The following TMEM92 variants were observed in gnomAD, a reference collection of about 807,000 sequenced individuals.
TMEM92 encodes transmembrane protein 92.
TMEM92 carries 15 observed loss-of-function variants against 14.6 expected under a neutral mutation model. The observed-to-expected ratio is 1.03, with a 90% CI of 0.69 to 1.58. The LOEUF is 1.58. Among genes scored for constraint, TMEM92 ranks in the 40% most tolerant of loss-of-function variants. The probability of loss-of-function intolerance (pLI) is 0.00; values close to 1 mark genes in which losing one functional copy is unlikely to be tolerated. For synonymous variants in TMEM92, 85 were observed against 83.3 expected (o/e 1.02, Z -0.11); for missense variants, 174 against 202.4 (o/e 0.86, Z 0.85).
upstream of TMEM92, among the ~76,000 whole-genome samples, chr17:50,272,374 C>T (rs563731587): frequency 2.6e-5 from 4 of 152,326 alleles, no homozygotes; most frequent in Non-Finnish European, 4.4e-5. Flanking sequence ...GGCCACACCT[C>T]TGTAGGGCTC....
upstream of TMEM92, among the ~76,000 whole-genome samples, chr17:50,272,073 C>T (rs189612763): frequency 6.6e-6 from 1 of 152,220 alleles, no homozygotes; most frequent in South Asian, 2.1e-4. Context: ...AATTATTCAT[C>T]GTTTATCTGA....
At chr17:50,273,307 G>C (rs965337664), upstream of TMEM92, among the ~76,000 whole-genome samples, 2 of 152,094 alleles carry the variant, frequency 1.3e-5, no homozygotes, top group Non-Finnish European at 2.9e-5. Context: ...GGGGGCACCC[G>C]CGCTGGGCGA....
At position 50,281,310 on chromosome 17, in the gene TMEM92, G is replaced by C. The variant is rs560071678; in HGVS notation, c.*2002G>C. The C allele has an allele frequency of 6.6e-6, 1 of 152,266 alleles. No individual in the cohort carries two copies. The highest frequency in any genetic ancestry group is 1.5e-5 in the Non-Finnish European group (1 of 68,008). The allele number at this position is 152,266 out of a possible 1,614,324, so 9.4% of individuals were successfully genotyped here. A position where few individuals can be genotyped will look rare whatever the true frequency, so the allele number is the denominator to read the frequency against. ...TGCTATGTAGGAAACACTATGCCTGGCACTGGGTATCCATTAAAATGTAAA... is the reference window on the plus strand; with the variant it reads ...TGCTATGTAGGAAACACTATGCCTGCCACTGGGTATCCATTAAAATGTAAA... On this transcript the variant is annotated 3_prime_UTR_variant, in exon 5 of 5. Transcript: ENST00000507382.
upstream of TMEM92, among the ~76,000 whole-genome samples, chr17:50,274,041 C>T (rs1283391008): frequency 6.6e-6 from 1 of 152,130 alleles, no homozygotes; most frequent in Non-Finnish European, 1.5e-5. Context: ...TGCACTGGCA[C>T]GATCTCGGCT....
In TMEM92 at chr17:50,279,225, C is replaced by T. The variant is rs773024530; in HGVS notation, c.397C>T (p.Pro133Ser). The change falls in exon 5 of 5, where the codon CCC becomes TCC. Residue 133 changes from proline to serine, a missense_variant. Physicochemically the swap from Pro to Ser is moderately conservative, Grantham distance 74. Coordinates refer to ENST00000507382, the MANE Select transcript of TMEM92 (RefSeq NM_153229.3). The part of the protein sequence containing the change: ...VILKPSLGPT[P>S]TEPPPPYSFR... Reference sequence around the variant, plus strand: ...TCTGAAGCCCAGCCTGGGCCCAACTCCCACAGAGCCACCCCCTCCCTACAG... The same window carrying T: ...TCTGAAGCCCAGCCTGGGCCCAACTTCCACAGAGCCACCCCCTCCCTACAG... 3 of 1,613,900 alleles carry T rather than the reference C, an allele frequency of 1.9e-6. No individual in the cohort carries two copies. Among genetic ancestry groups the T allele is most frequent in the Non-Finnish European group, 2.5e-6 (3 of 1,179,958 alleles).
In TMEM92 at chr17:50,280,959, A is replaced by G. The variant is rs1236940348; in HGVS notation, c.*1651A>G. Reference sequence around the variant, plus strand: ...CTTTGTGTAGATGTGGCTAGTTCCAATTAGAGAAGTCCTGCAGCTGATGTT... The same window carrying G: ...CTTTGTGTAGATGTGGCTAGTTCCAGTTAGAGAAGTCCTGCAGCTGATGTT... On this transcript the variant is annotated 3_prime_UTR_variant, in exon 5 of 5. Transcript: ENST00000507382. 1 of 151,620 alleles carries G rather than the reference A, an allele frequency of 6.6e-6. No homozygotes were observed. Among genetic ancestry groups the G allele is most frequent in the East Asian group, 1.9e-4 (1 of 5,140 alleles). 9.4% of individuals were successfully genotyped at this position (151,620 alleles called of 1,614,324 possible).
rs553578543 is a variant in TMEM92, at chr17:50,279,842, G to C, written c.*534G>C. 7 of 172,880 alleles carry C rather than the reference G, an allele frequency of 4.0e-5. No homozygotes were observed. The East Asian group carries it at 1.3e-3, about 33-fold the overall frequency. 10.7% of individuals were successfully genotyped at this position (172,880 alleles called of 1,614,324 possible). A position where few individuals can be genotyped will look rare whatever the true frequency, so the allele number is the denominator to read the frequency against. On this transcript the variant is annotated 3_prime_UTR_variant, in exon 5 of 5. Transcript: ENST00000507382. ...CTGCCTCTGGCTGTGTGGGGAGGTG[G>C]GTGGAGAGGTGAGCCCAGGCACTGC... is the stretch of plus-strand genomic sequence containing the variant.
chr17:50,274,005 G>T (rs1264741607), upstream of TMEM92, among the ~76,000 whole-genome samples: 1 of 152,028 alleles, frequency 6.6e-6, no homozygotes, highest in East Asian at 1.9e-4. Context: ...TAGAGATGGA[G>T]TCTCACTCCG....
chr17:50,278,641 G>A lies in TMEM92; in HGVS notation c.170+11G>A, dbSNP rs777067967. Reference sequence around the variant, plus strand: ...CCCTGGCCCCGTGAGGTGAGCCCAGGGCCAGCTCCTTTGGGTGCAGTCCTT... The same window carrying A: ...CCCTGGCCCCGTGAGGTGAGCCCAGAGCCAGCTCCTTTGGGTGCAGTCCTT... On this transcript the variant is annotated intron_variant, in intron 3 of 4. Coordinates refer to ENST00000507382, the MANE Select transcript of TMEM92 (RefSeq NM_153229.3). The A allele has an allele frequency of 2.6e-5, 42 of 1,613,174 alleles. No individual in the cohort carries two copies. The Admixed American group carries it at 7.0e-4, about 27-fold the overall frequency.
chr17:50,280,456 G>A lies in TMEM92; in HGVS notation c.*1148G>A, dbSNP rs1910582882. ...CATGGGGGCCTGGCATAGTCATGCA[G>A]AATGGGGCGGGACAATGCCAATGCC... is the stretch of plus-strand genomic sequence containing the variant. On this transcript the variant is annotated 3_prime_UTR_variant, in exon 5 of 5. Transcript: ENST00000507382. The A allele has an allele frequency of 6.6e-6, 1 of 152,356 alleles. No homozygotes were observed. Among genetic ancestry groups the A allele is most frequent in the Non-Finnish European group, 1.5e-5 (1 of 68,112 alleles). The allele number at this position is 152,356 out of a possible 1,614,324, so 9.4% of individuals were successfully genotyped here.
At chr17:50,273,780 C>T (rs1910328128), upstream of TMEM92, among the ~76,000 whole-genome samples, 1 of 152,130 alleles carries the variant, frequency 6.6e-6, no homozygotes, top group African/African-American at 2.4e-5. Context: ...CTCCCTCAAC[C>T]TCTGCCCCCA....
At chr17:50,278,485 C>A in intron 2 of TMEM92, 71 bp from the exon 3 acceptor site, 1 of 1,568,020 alleles carries the variant, frequency 6.4e-7, no homozygotes, top group Non-Finnish European at 8.7e-7. Context: ...TTTGGGGAGG[C>A]TGGGATCCTT....
upstream of TMEM92, among the ~76,000 whole-genome samples, chr17:50,272,052 T>C (rs1319683238): frequency 1.3e-5 from 2 of 152,164 alleles, no homozygotes; most frequent in African/African-American, 2.4e-5. Context: ...GACATAATTA[T>C]ACTAAAATGA....
Position 50,277,652 on chromosome 17 carries a change from A to G in TMEM92, c.70-63A>G, listed in dbSNP as rs1337801341. 59 of 1,597,296 alleles carry G rather than the reference A, an allele frequency of 3.7e-5. No individual in the cohort carries two copies. In the East Asian group the frequency reaches 1.3e-3, roughly 35 times the overall value. ...AGGTACCTGGGCAGCATCTGAGTGG[A>G]GACCCTACCCCCACTATCCCCAGTT... On this transcript the variant is annotated intron_variant, in intron 1 of 4. Transcript: ENST00000507382.
intron 1 of TMEM92, among the ~76,000 whole-genome samples, chr17:50,276,136 AG>A (rs1910424155): frequency 6.6e-6 from 1 of 152,088 alleles, no homozygotes; most frequent in Admixed American, 6.6e-5. Context: ...ATCTCCAAAA[AG>A]AAAAAAAAAG....
intron 2 of TMEM92, 37 bp downstream of exon 2, chr17:50,277,777 G>C (rs772707293): frequency 6.2e-7 from 1 of 1,613,474 alleles, no homozygotes; most frequent in African/African-American, 1.3e-5. Context: ...TCTGGGGAGC[G>C]GGGAGGAGCA....
chr17:50,277,732 T>C lies in TMEM92; in HGVS notation c.87T>C (p.Gly29=). ...TTCCACAGATTGCAGCCAAATGTGG[T>C]CTCATCCTGTAAGTCTAGAGGCCAT... ...AGPQKIAAKC[G]LILACPKGFK... Residue 29 remains glycine, a synonymous_variant, in exon 2 of 5, where the codon GGT becomes GGC. Coordinates refer to ENST00000507382, the MANE Select transcript of TMEM92 (RefSeq NM_153229.3). 6.2e-7 allele frequency: 1 copy of C among 1,613,858 alleles called. No homozygotes were observed. The highest frequency in any genetic ancestry group is 1.1e-5 in the South Asian group (1 of 91,076).
chr17:50,277,109 G>A (rs1910452861), intron 1 of TMEM92, among the ~76,000 whole-genome samples: 1 of 152,170 alleles, frequency 6.6e-6, no homozygotes, highest in South Asian at 2.1e-4. Context: ...TGGCAGCTTT[G>A]CAGAGCATGG....
Position 50,279,922 on chromosome 17 carries a change from C to T in TMEM92, c.*614C>T, listed in dbSNP as rs1910562097. 6.5e-6 allele frequency: 1 copy of T among 153,970 alleles called. No individual in the cohort carries two copies. The highest frequency in any genetic ancestry group is 2.4e-5 in the African/African-American group (1 of 41,416). The allele number at this position is 153,970 out of a possible 1,614,324, so 9.5% of individuals were successfully genotyped here. A position where few individuals can be genotyped will look rare whatever the true frequency, so the allele number is the denominator to read the frequency against. On this transcript the variant is annotated 3_prime_UTR_variant, in exon 5 of 5. Coordinates refer to ENST00000507382, the MANE Select transcript of TMEM92 (RefSeq NM_153229.3). Reference sequence around the variant, plus strand: ...CGCAATCCCACCACTGATGAGCCACCTGGGAGGTCTGGGAGGACAGTCCAT... The same window carrying T: ...CGCAATCCCACCACTGATGAGCCACTTGGGAGGTCTGGGAGGACAGTCCAT...
Sources: allele counts gnomAD v4.1 joint callset (sites outside exome capture counted in the v4.1 genomes callset), GRCh38; gene constraint gnomAD v4.1.1; transcripts MANE v1.5; gene names NCBI Gene and HGNC (gene_info 2026-07-23, HGNC 2026-07-21).